CNTNAP2: variants seen among roughly 807,000 people sequenced by gnomAD.
The protein encoded by CNTNAP2 is contactin associated protein 2.
Under a neutral mutation model 155.2 loss-of-function variants are expected in CNTNAP2, and 98 were observed. That is an observed-to-expected ratio of 0.63 (90% confidence interval 0.54 to 0.75). The LOEUF is 0.75. Among genes scored for constraint, CNTNAP2 ranks in the 30% least tolerant of loss-of-function variants. The pLI is 0.00. For synonymous variants in CNTNAP2, 651 were observed against 631.2 expected (o/e 1.03, Z -0.47); for missense variants, 1,727 against 1,688.1 (o/e 1.02, Z -0.40).
At chr7:148,284,604 TCTC>T (rs942412300) in intron 21 of CNTNAP2, among the ~76,000 whole-genome samples, 5 of 150,956 alleles carry the variant, frequency 3.3e-5, no homozygotes, top group African/African-American at 9.8e-5. Context: ...AGCCTGGTCT[TCTC>T]CTTCTGGTTT....
chr7:146,484,296 G>A (rs1002793292), intron 1 of CNTNAP2, among the ~76,000 whole-genome samples: 1 of 152,142 alleles, frequency 6.6e-6, no homozygotes, highest in Non-Finnish European at 1.5e-5. Flanking sequence ...TTTTCCCACT[G>A]TTAAGTGACA....
intron 15 of CNTNAP2, among the ~76,000 whole-genome samples, chr7:148,024,361 C>T (rs1802340888): frequency 6.6e-6 from 1 of 152,030 alleles, no homozygotes; most frequent in Admixed American, 6.6e-5. Flanking sequence ...CTCCTAGCCA[C>T]AGTGAAAGAA....
chr7:147,699,496 T>C, intron 13 of CNTNAP2, among the ~76,000 whole-genome samples: 1 of 152,036 alleles, frequency 6.6e-6, no homozygotes, highest in East Asian at 1.9e-4. Flanking sequence ...AAATACCTAA[T>C]GTAGATGACG....
intron 13 of CNTNAP2, among the ~76,000 whole-genome samples, chr7:147,652,850 T>A (rs1013853471): frequency 6.6e-6 from 1 of 152,184 alleles, no homozygotes; most frequent in Non-Finnish European, 1.5e-5. Flanking sequence ...TAATATGGGC[T>A]TCCAGCATAG....
intron 1 of CNTNAP2, among the ~76,000 whole-genome samples, chr7:146,475,899 A>C (rs1450966448): frequency 6.6e-6 from 1 of 152,168 alleles, no homozygotes; most frequent in Non-Finnish European, 1.5e-5. Flanking sequence ...AGAGAAGCTG[A>C]AGAATTTAGT....
At chr7:147,433,381 T>G (rs1022251379) in intron 10 of CNTNAP2, among the ~76,000 whole-genome samples, 2 of 152,180 alleles carry the variant, frequency 1.3e-5, no homozygotes, top group African/African-American at 4.8e-5. Flanking sequence ...TGGGATAAAG[T>G]TGTAGACAAT....
chr7:146,314,556 T>C (rs967227966), intron 1 of CNTNAP2, among the ~76,000 whole-genome samples: 4 of 152,128 alleles, frequency 2.6e-5, no homozygotes, highest in Non-Finnish European at 4.4e-5. Flanking sequence ...GGGGAGATAC[T>C]TGTTGAATGT....
At chr7:146,958,042 A>G (rs1051199038) in intron 3 of CNTNAP2, among the ~76,000 whole-genome samples, 6 of 152,180 alleles carry the variant, frequency 3.9e-5, no homozygotes, top group African/African-American at 1.4e-4. Flanking sequence ...CTATATTAAC[A>G]TATTCTTGAA....
intron 1 of CNTNAP2, among the ~76,000 whole-genome samples, chr7:146,580,744 A>G (rs113223894): frequency 5.9e-5 from 9 of 152,086 alleles, no homozygotes; most frequent in Admixed American, 4.6e-4. Context: ...TTGTTTTGTG[A>G]TAAATATTAT....
At chr7:147,930,060 C>A (rs1435796387) in intron 14 of CNTNAP2, among the ~76,000 whole-genome samples, 1 of 152,030 alleles carries the variant, frequency 6.6e-6, no homozygotes, top group Non-Finnish European at 1.5e-5. Context: ...TCCTAACAGG[C>A]CACAGACTGG....
rs540103758 is a variant in CNTNAP2 at position 148,216,753 on chromosome 7, C to A, written c.3011-535C>A. ...GATATGGTTTGGCTCTGTCCCCACC[C>A]TAATTTCAAATTGTAGTTCCCATAA... On this transcript the variant is annotated intron_variant, in intron 18 of 23. Coordinates refer to ENST00000361727, the MANE Select transcript of CNTNAP2 (RefSeq NM_014141.6). Among the ~76,000 whole-genome samples, 398 of 152,252 alleles carry A rather than the reference C, an allele frequency of 2.6e-3. 3 individuals are homozygous for A. The highest frequency in any genetic ancestry group is 9.1e-3 in the African/African-American group (378 of 41,556).
chr7:146,194,122 G>T (rs887056391), intron 1 of CNTNAP2, among the ~76,000 whole-genome samples: 1 of 152,212 alleles, frequency 6.6e-6, no homozygotes, highest in East Asian at 1.9e-4. Context: ...ACATTTTCCT[G>T]TCTTCTTCTG....
chr7:146,947,543 ATGTGTG>A (rs1162152721), intron 3 of CNTNAP2, among the ~76,000 whole-genome samples: 11 of 74,394 alleles, frequency 1.5e-4, no homozygotes, highest in Non-Finnish European at 3.0e-4. Context: ...GTGTGTGTGT[ATGTGTG>A]TGTGTGTGTA....
chr7:147,629,484 CA>C (rs1183477491), intron 12 of CNTNAP2, among the ~76,000 whole-genome samples: 1 of 151,014 alleles, frequency 6.6e-6, no homozygotes, highest in Non-Finnish European at 1.5e-5. Context: ...ATGGATTTAA[CA>C]GATAGTTACA....
At chr7:147,041,205 A>G (rs1799253119) in intron 3 of CNTNAP2, among the ~76,000 whole-genome samples, 1 of 152,156 alleles carries the variant, frequency 6.6e-6, no homozygotes, top group Non-Finnish European at 1.5e-5. Flanking sequence ...ATTTTTTTCA[A>G]CATAACTACT....
chr7:148,285,092 T>C (rs1797056847), intron 21 of CNTNAP2, among the ~76,000 whole-genome samples: 1 of 152,244 alleles, frequency 6.6e-6, no homozygotes, highest in Non-Finnish European at 1.5e-5. Context: ...ATAAAAAGCA[T>C]TAAATGTTTA....
At chr7:146,419,576 TTTAA>T (rs1334361739) in intron 1 of CNTNAP2, among the ~76,000 whole-genome samples, 1 of 152,162 alleles carries the variant, frequency 6.6e-6, no homozygotes, top group African/African-American at 2.4e-5. Context: ...TTTTATATTC[TTTAA>T]TTAAAAAAAT....
At chr7:146,258,906 T>C (rs1028873162) in intron 1 of CNTNAP2, among the ~76,000 whole-genome samples, 2 of 152,152 alleles carry the variant, frequency 1.3e-5, no homozygotes, top group East Asian at 3.9e-4. Flanking sequence ...TCATACTGAG[T>C]GATATGGTTT....
At chr7:147,045,125 C>T (rs1799331255) in intron 4 of CNTNAP2, among the ~76,000 whole-genome samples, 1 of 152,118 alleles carries the variant, frequency 6.6e-6, no homozygotes, top group Non-Finnish European at 1.5e-5. Context: ...TTTCTTCCAG[C>T]TGTTACAATT....
Sources: gnomAD v4.1 joint callset for allele counts (sites outside exome capture counted in the v4.1 genomes callset) on GRCh38, gnomAD v4.1.1 for gene constraint, MANE v1.5 for transcripts, NCBI Gene and HGNC (gene_info 2026-07-23, HGNC 2026-07-21) for gene names.